Variants in RNLS observed in about 807,000 individuals in gnomAD.
RNLS encodes the protein renalase, FAD dependent amine oxidase.
In RNLS, 39 loss-of-function variants were observed where a neutral mutation model predicts 39.8. The ratio of observed to expected loss-of-function variants is 0.98; its 90% CI spans 0.76 to 1.28. RNLS has a LOEUF of 1.28. Ranked by LOEUF, RNLS falls within the 50% of genes most tolerant of loss-of-function variation. RNLS has a pLI of 0.00. For synonymous variants in RNLS, 147 were observed against 150.7 expected (o/e 0.98, Z 0.18); for missense variants, 410 against 413.3 (o/e 0.99, Z 0.07).
chr10:88,544,986 C>A (rs1354331337), intron 4 of RNLS, among the ~76,000 whole-genome samples: 1 of 152,100 alleles, frequency 6.6e-6, no homozygotes, highest in African/African-American at 2.4e-5. Flanking sequence ...GGGATAATCA[C>A]ATTTGGTAGC....
intron 5 of RNLS, among the ~76,000 whole-genome samples, chr10:88,338,047 G>A: frequency 6.6e-6 from 1 of 152,154 alleles, no homozygotes; most frequent in East Asian, 1.9e-4. Flanking sequence ...TTCTTCATAT[G>A]TGAAGTAAAG....
At chr10:88,313,088 G>A (rs1006017708) in intron 6 of RNLS, among the ~76,000 whole-genome samples, 4 of 152,130 alleles carry the variant, frequency 2.6e-5, no homozygotes, top group African/African-American at 9.7e-5. Context: ...GGTACATTGT[G>A]TTCAAAGATT....
chr10:88,224,037 GAAA>G, the RNLS span, among the ~76,000 whole-genome samples: 140 of 131,024 alleles, frequency 1.1e-3, no homozygotes, highest in African/African-American at 3.7e-3. Context: ...TGAGCACTCA[GAAA>G]AAAAAAAAAA....
chr10:88,243,635 T>C, the RNLS span, among the ~76,000 whole-genome samples: 2 of 152,252 alleles, frequency 1.3e-5, no homozygotes, highest in Non-Finnish European at 2.9e-5. Context: ...TCTTTATCCC[T>C]CTATGAACTG....
At chr10:88,571,666 A>C (rs1032475042) in intron 4 of RNLS, among the ~76,000 whole-genome samples, 4 of 152,334 alleles carry the variant, frequency 2.6e-5, no homozygotes, top group African/African-American at 9.6e-5. Flanking sequence ...TCCCTGCCCC[A>C]GTACTTAATA....
At chr10:88,469,937 G>GTA (rs1843425812) in intron 4 of RNLS, among the ~76,000 whole-genome samples, 1 of 149,966 alleles carries the variant, frequency 6.7e-6, no homozygotes, top group East Asian at 2.0e-4. Flanking sequence ...CAAAGTATAT[G>GTA]TATATAGTAT....
downstream of RNLS, among the ~76,000 whole-genome samples, chr10:88,283,544 C>G (rs751945742): frequency 5.3e-5 from 8 of 152,022 alleles, no homozygotes; most frequent in Non-Finnish European, 1.2e-4. Flanking sequence ...TTTGAATGAC[C>G]TTTCTACCAT....
At chr10:88,378,454 T>TTAAC (rs1310309378) in intron 4 of RNLS, among the ~76,000 whole-genome samples, 2 of 152,162 alleles carry the variant, frequency 1.3e-5, no homozygotes, top group Non-Finnish European at 2.9e-5. Context: ...AAATATTACT[T>TTAAC]TAACTTAAAA....
At chr10:88,237,255 C>T in the RNLS span, among the ~76,000 whole-genome samples, 1 of 117,250 alleles carries the variant, frequency 8.5e-6, no homozygotes, top group African/African-American at 3.2e-5. Flanking sequence ...CCTTCCTTCC[C>T]TCCCTTTCTT....
chr10:88,326,050 G>C (rs1589558708), intron 5 of RNLS, among the ~76,000 whole-genome samples: 1 of 152,186 alleles, frequency 6.6e-6, no homozygotes, highest in African/African-American at 2.4e-5. Context: ...ATGCAAAACT[G>C]TAAGTCAATT....
intron 4 of RNLS, among the ~76,000 whole-genome samples, chr10:88,518,127 CTT>C (rs1407079529): frequency 6.6e-6 from 1 of 151,784 alleles, no homozygotes. Flanking sequence ...GAGAACTAGT[CTT>C]TTTGTCTTTA....
chr10:88,483,546 G>C (rs543004201), intron 4 of RNLS, among the ~76,000 whole-genome samples: 5 of 152,012 alleles, frequency 3.3e-5, no homozygotes, highest in Non-Finnish European at 5.9e-5. Flanking sequence ...TTTCATAATT[G>C]TCATATGATG....
At chr10:88,205,038 A>G in the RNLS span, among the ~76,000 whole-genome samples, 11 of 152,146 alleles carry the variant, frequency 7.2e-5, no homozygotes, top group African/African-American at 1.9e-4. Flanking sequence ...TACCTTGCTC[A>G]AGCGCAGTTG....
intron 4 of RNLS, among the ~76,000 whole-genome samples, chr10:88,445,796 G>T (rs530994938): frequency 6.6e-6 from 1 of 152,146 alleles, no homozygotes; most frequent in Non-Finnish European, 1.5e-5. Context: ...CAATACAGGA[G>T]CACCCAAATT....
chr10:88,199,635 C>T, the RNLS span, among the ~76,000 whole-genome samples: 1 of 152,194 alleles, frequency 6.6e-6, no homozygotes, highest in Non-Finnish European at 1.5e-5. Context: ...CGAAGACACA[C>T]TCACTGCAGA....
the RNLS span, among the ~76,000 whole-genome samples, chr10:88,232,695 G>A: frequency 4.6e-5 from 7 of 152,204 alleles, no homozygotes; most frequent in African/African-American, 1.7e-4. Flanking sequence ...CTGCCAGCCT[G>A]CTGCAAGACT....
chr10:88,392,413 C>T lies in RNLS; in HGVS notation c.527-29688G>A, dbSNP rs902546893. Among the ~76,000 whole-genome samples the T allele has an allele frequency of 1.3e-5, 2 of 152,184 alleles. 1 individual carries two copies. Among genetic ancestry groups the T allele is most frequent in the African/African-American group, 4.8e-5 (2 of 41,448 alleles). ...GCCTAACCTTGTGGCTCTATGGAGG[C>T]AGGAAGTGAAAGTGAAGGCAGAGTT... On this transcript the variant is annotated intron_variant, in intron 4 of 6. Transcript: ENST00000331772.
At chr10:88,544,734 G>A (rs997870526) in intron 4 of RNLS, among the ~76,000 whole-genome samples, 12 of 152,104 alleles carry the variant, frequency 7.9e-5, no homozygotes, top group Admixed American at 7.9e-4. Flanking sequence ...ATGGTATATA[G>A]CCACTCTAGG....
chr10:88,299,548 C>T (rs1343963958), intron 6 of RNLS, among the ~76,000 whole-genome samples: 1 of 152,200 alleles, frequency 6.6e-6, no homozygotes, highest in Non-Finnish European at 1.5e-5. Flanking sequence ...TTGCTTGACC[C>T]CGTGAGGTGG....
Sources: allele counts gnomAD v4.1 joint callset (sites outside exome capture counted in the v4.1 genomes callset), GRCh38; gene constraint gnomAD v4.1.1; transcripts MANE v1.5; gene names NCBI Gene and HGNC (gene_info 2026-07-23, HGNC 2026-07-21).